Variants in FAM13A observed in about 807,000 individuals in gnomAD.
FAM13A encodes the protein protein FAM13A.
In FAM13A, 76 loss-of-function variants were observed where a neutral mutation model predicts 129.6. The ratio of observed to expected loss-of-function variants is 0.59; its 90% CI spans 0.49 to 0.71. The LOEUF (loss-of-function observed/expected upper bound fraction) is 0.71. FAM13A is among the 30% of genes least tolerant of loss of function. The pLI, the probability that FAM13A is intolerant of heterozygous loss-of-function variation, is 0.00. For synonymous variants in FAM13A, 443 were observed against 449.9 expected, an observed-to-expected ratio of 0.98 and a Z score of 0.20; for missense variants, 1,108 against 1,249.3, an observed-to-expected ratio of 0.89 and a Z score of 1.70.
chr4:88,828,055 G>A (rs973336356), intron 7 of FAM13A, among the ~76,000 whole-genome samples: 5 of 152,114 alleles, frequency 3.3e-5, no homozygotes, highest in African/African-American at 1.2e-4. Context: ...TGTTCCCTCT[G>A]TCTGGAATAT....
intron 6 of FAM13A, among the ~76,000 whole-genome samples, chr4:88,892,536 T>C (rs1412333106): frequency 6.6e-6 from 1 of 152,198 alleles, no homozygotes; most frequent in East Asian, 1.9e-4. Flanking sequence ...ACTACTTTCA[T>C]ACAAAATAAA....
intron 7 of FAM13A, among the ~76,000 whole-genome samples, chr4:88,848,304 T>C (rs1737017618): frequency 6.6e-6 from 1 of 152,222 alleles, no homozygotes; most frequent in African/African-American, 2.4e-5. Context: ...TTACACAAGA[T>C]ATGGCCAGCT....
chr4:88,815,488 A>G (rs1730552885), intron 7 of FAM13A, among the ~76,000 whole-genome samples: 1 of 152,216 alleles, frequency 6.6e-6, no homozygotes, highest in African/African-American at 2.4e-5. Context: ...TCTATACTTG[A>G]TATCAGAAGT....
At chr4:88,919,890 GATT>G (rs975150733) in intron 5 of FAM13A, among the ~76,000 whole-genome samples, 1 of 152,376 alleles carries the variant, frequency 6.6e-6, no homozygotes, top group African/African-American at 2.4e-5. Flanking sequence ...CGCACCAGGA[GATT>G]ATATCGCGCA....
intron 7 of FAM13A, among the ~76,000 whole-genome samples, chr4:88,831,967 T>A (rs1578862898): frequency 6.6e-6 from 1 of 152,182 alleles, no homozygotes; most frequent in East Asian, 1.9e-4. Context: ...AAGCTGGAAG[T>A]ATCACACTAC....
At chr4:88,909,643 T>C (rs898496344) in intron 5 of FAM13A, among the ~76,000 whole-genome samples, 7 of 152,088 alleles carry the variant, frequency 4.6e-5, no homozygotes, top group African/African-American at 9.7e-5. Context: ...TGCACCACCA[T>C]GCCCAGCTAA....
intron 11 of FAM13A, among the ~76,000 whole-genome samples, chr4:88,773,195 A>G (rs865948550): frequency 1.3e-5 from 2 of 152,150 alleles, no homozygotes; most frequent in Non-Finnish European, 2.9e-5. Flanking sequence ...TCTCCTCTCT[A>G]TTGGCTTGTC....
At chr4:88,739,148 A>G in intron 19 of FAM13A, 23 bp from the exon 20 acceptor site, 2 of 1,548,266 alleles carry the variant, frequency 1.3e-6, no homozygotes, top group Non-Finnish European at 1.8e-6. Flanking sequence ...AATGAGAGCT[A>G]TGAGAAGCCT....
intron 1 of FAM13A, among the ~76,000 whole-genome samples, chr4:89,056,528 T>C (rs1266406161): frequency 2.0e-5 from 3 of 152,018 alleles, no homozygotes; most frequent in Non-Finnish European, 4.4e-5. Context: ...AACAGAAAAA[T>C]GTCACACACA....
At chr4:88,812,183 C>T (rs1362865819) in intron 7 of FAM13A, among the ~76,000 whole-genome samples, 1 of 152,074 alleles carries the variant, frequency 6.6e-6, no homozygotes, top group Non-Finnish European at 1.5e-5. Context: ...ATTATCCAGC[C>T]CATGGTATTC....
intron 1 of FAM13A, among the ~76,000 whole-genome samples, chr4:89,034,364 C>G (rs1033085089): frequency 6.6e-6 from 1 of 152,078 alleles, no homozygotes; most frequent in African/African-American, 2.4e-5. Context: ...CAAATCAAAA[C>G]CACAATGAGA....
intron 7 of FAM13A, among the ~76,000 whole-genome samples, chr4:88,849,709 C>T (rs551965904): frequency 1.2e-3 from 179 of 152,266 alleles, no homozygotes; most frequent in African/African-American, 3.9e-3. Flanking sequence ...ACACAGGGGC[C>T]TCGTTGGTTT....
At chr4:88,732,279 T>C (rs1018944682) in intron 21 of FAM13A, 81 bp from the exon 22 acceptor site, 3 of 1,002,166 alleles carry the variant, frequency 3.0e-6, no homozygotes, top group African/African-American at 1.6e-5. Flanking sequence ...TTAATAATCA[T>C]TTAATTATCA....
intron 4 of FAM13A, among the ~76,000 whole-genome samples, chr4:88,961,036 T>A (rs1340546748): frequency 6.6e-6 from 1 of 152,198 alleles, no homozygotes; most frequent in African/African-American, 2.4e-5. Context: ...AGACCAAAAG[T>A]TGATTTTTAA....
chr4:88,982,245 T>C (rs1391943808), intron 4 of FAM13A, among the ~76,000 whole-genome samples: 1 of 152,252 alleles, frequency 6.6e-6, no homozygotes, highest in Admixed American at 6.5e-5. Context: ...AAGAAGCTTG[T>C]TCTAAGTGAG....
chr4:88,915,403 G>A (rs1035001526), intron 5 of FAM13A, among the ~76,000 whole-genome samples: 2 of 152,104 alleles, frequency 1.3e-5, no homozygotes, highest in Non-Finnish European at 2.9e-5. Flanking sequence ...TTCTGGCTTG[G>A]CCCAGGGAAG....
intron 10 of FAM13A, among the ~76,000 whole-genome samples, chr4:88,783,636 C>T (rs1433572131): frequency 4.6e-5 from 7 of 152,222 alleles, no homozygotes; most frequent in African/African-American, 7.2e-5. Flanking sequence ...CTAGTATGGA[C>T]GGATTTATGT....
chr4:88,736,474 G>A (rs914597784), intron 21 of FAM13A: 1 of 152,070 alleles, frequency 6.6e-6, no homozygotes, highest in Non-Finnish European at 1.5e-5. Flanking sequence ...CCCCAGGCTC[G>A]GAACTATCAC....
intron 7 of FAM13A, among the ~76,000 whole-genome samples, chr4:88,830,068 T>C (rs1412434493): frequency 6.6e-6 from 1 of 152,226 alleles, no homozygotes; most frequent in African/African-American, 2.4e-5. Context: ...ACATAATGGC[T>C]GTCTGAACAC....
Sources: gnomAD v4.1 joint callset for allele counts (sites outside exome capture counted in the v4.1 genomes callset) on GRCh38, gnomAD v4.1.1 for gene constraint, MANE v1.5 for transcripts, NCBI Gene and HGNC (gene_info 2026-07-23, HGNC 2026-07-21) for gene names.